NRCAM: variants seen among roughly 807,000 people sequenced by gnomAD.
NRCAM encodes the protein NgCAM-related cell adhesion molecule.
NRCAM carries 83 observed loss-of-function variants against 156.5 expected under a neutral mutation model. The observed-to-expected ratio is 0.53, with a 90% CI of 0.44 to 0.64. The LOEUF is 0.64. NRCAM is among the 30% of genes least tolerant of loss of function. The pLI is 0.00. For missense variants in NRCAM, 1,417 were observed against 1,597.3 expected (o/e 0.89, Z 1.92); for synonymous variants, 538 against 563.9 (o/e 0.95, Z 0.65).
intron 3 of NRCAM, among the ~76,000 whole-genome samples, chr7:108,256,055 C>T (rs1158939142): frequency 1.3e-5 from 2 of 151,610 alleles, no homozygotes; most frequent in Non-Finnish European, 3.0e-5. Context: ...GTGGGGGGCG[C>T]CTCTGCCCGG....
intron 3 of NRCAM, among the ~76,000 whole-genome samples, chr7:108,288,359 C>T (rs1458185222): frequency 2.0e-5 from 3 of 152,054 alleles, no homozygotes; most frequent in Non-Finnish European, 4.4e-5. Context: ...ATCTGTGTAA[C>T]ACAACTGCAT....
At chr7:108,428,816 C>G (rs567621767) in intron 1 of NRCAM, among the ~76,000 whole-genome samples, 11 of 152,098 alleles carry the variant, frequency 7.2e-5, no homozygotes, top group African/African-American at 2.7e-4. Context: ...ATTTTCAGTT[C>G]CTGTTTGGTT....
chr7:108,253,668 G>C (rs1304313829), intron 3 of NRCAM, among the ~76,000 whole-genome samples: 2 of 152,216 alleles, frequency 1.3e-5, no homozygotes, highest in African/African-American at 2.4e-5. Context: ...GGATTATCAA[G>C]AGTGCCATCT....
chr7:108,262,600 C>T lies in NRCAM; in HGVS notation c.-106-22430G>A, dbSNP rs80098683. On this transcript the variant is annotated intron_variant, in intron 3 of 32. Transcript: ENST00000379028. Reference sequence around the variant, plus strand: ...ACAAATCCTTATAAGTCTTGAGCATCCTTTTACTTCCACATGTACTCCTTG... The same window carrying T: ...ACAAATCCTTATAAGTCTTGAGCATTCTTTTACTTCCACATGTACTCCTTG... Among the ~76,000 whole-genome samples the T allele has an allele frequency of 5.5e-3, 838 of 152,262 alleles. 6 individuals are homozygous for T. The highest frequency in any genetic ancestry group is 0.014 in the Middle Eastern group (4 of 294).
At chr7:108,184,395 A>G in intron 21 of NRCAM, 22 bp downstream of exon 21, 1 of 1,613,970 alleles carries the variant, frequency 6.2e-7, no homozygotes, top group Non-Finnish European at 8.5e-7. Context: ...CGTACCCTAG[A>G]AGTCCCGCTT....
In NRCAM at chr7:108,434,836, A is replaced by G. The variant is rs1830151310; in HGVS notation, c.-332+21407T>C. Among the ~76,000 whole-genome samples the G allele has an allele frequency of 3.9e-5, 6 of 152,214 alleles. No homozygotes were observed. In the South Asian group the frequency reaches 1.2e-3, roughly 32 times the overall value. ...ACTGAGTGGAGACATCAGCAATTGC[A>G]CATTGCAGGGAAGACATGCCACAGA... On this transcript the variant is annotated intron_variant, in intron 1 of 32. Coordinates refer to ENST00000379028, the MANE Select transcript of NRCAM (RefSeq NM_001037132.4).
At chr7:108,198,754 T>G (rs2076434512) in intron 13 of NRCAM, among the ~76,000 whole-genome samples, 1 of 152,250 alleles carries the variant, frequency 6.6e-6, no homozygotes, top group African/African-American at 2.4e-5. Context: ...TGAAAATATT[T>G]AATTTTCTGC....
At chr7:108,238,351 C>T (rs1221510892) in intron 4 of NRCAM, among the ~76,000 whole-genome samples, 1 of 152,150 alleles carries the variant, frequency 6.6e-6, no homozygotes, top group Non-Finnish European at 1.5e-5. Flanking sequence ...TTCTCAATCA[C>T]TCAGGGGTTG....
chr7:108,260,883 A>T (rs900978348), intron 3 of NRCAM, among the ~76,000 whole-genome samples: 23 of 152,116 alleles, frequency 1.5e-4, no homozygotes, highest in African/African-American at 5.6e-4. Context: ...CATTTGGGGA[A>T]GGTTTATGTG....
intron 1 of NRCAM, among the ~76,000 whole-genome samples, chr7:108,452,097 C>T (rs895319398): frequency 5.3e-5 from 8 of 152,170 alleles, no homozygotes; most frequent in South Asian, 2.1e-4. Flanking sequence ...TATTTCCTTC[C>T]TCAGGTAGCC....
intron 1 of NRCAM, among the ~76,000 whole-genome samples, chr7:108,447,230 C>T (rs1845330483): frequency 6.6e-6 from 1 of 151,260 alleles, no homozygotes; most frequent in African/African-American, 2.4e-5. Context: ...AACAGTCACC[C>T]CATATGGGTT....
rs1339733003 is a variant in NRCAM, at chr7:108,221,521, TA to T, written c.890+2203del. On this transcript the variant is annotated intron_variant, in intron 11 of 32. Transcript: ENST00000379028. ...TATGTGATGGAATACTACTCAGCCA[TA>T]AAAAGGAATGAATTAATGGCATTTG... is the stretch of plus-strand genomic sequence containing the variant. Among the ~76,000 whole-genome samples, 3 of 152,096 alleles carry T rather than the reference TA, an allele frequency of 2.0e-5. 1 individual carries two copies. Among genetic ancestry groups the T allele is most frequent in the East Asian group, 3.9e-4 (2 of 5,192 alleles).
intron 13 of NRCAM, among the ~76,000 whole-genome samples, chr7:108,202,742 A>G (rs980239350): frequency 6.6e-6 from 1 of 152,180 alleles, no homozygotes; most frequent in African/African-American, 2.4e-5. Context: ...CTGGCTTTCA[A>G]CATCTTTCAT....
At chr7:108,173,827 C>T (rs1478070034) in intron 28 of NRCAM, among the ~76,000 whole-genome samples, 1 of 152,146 alleles carries the variant, frequency 6.6e-6, no homozygotes, top group Non-Finnish European at 1.5e-5. Context: ...AACCAAAACT[C>T]TTTAAATATA....
At position 108,223,909 on chromosome 7, in the gene NRCAM, A is replaced by C. The variant is rs998511896; in HGVS notation, c.779-73T>G. ...TCTATAAACACTTCATTGTCAAAAA[A>C]GCTGTCTAAAATTCCAATCCCTTTT... On this transcript the variant is annotated intron_variant, in intron 10 of 32. Coordinates refer to ENST00000379028, the MANE Select transcript of NRCAM (RefSeq NM_001037132.4). 2.5e-5 allele frequency: 19 copies of C among 767,800 alleles called. No individual in the cohort carries two copies. In the African/African-American group the frequency reaches 3.3e-4, roughly 13 times the overall value. The allele number at this position is 767,800 out of a possible 1,614,324, so 47.6% of individuals were successfully genotyped here.
At position 108,259,970 on chromosome 7, in the gene NRCAM, T is replaced by C. The variant is rs183353082; in HGVS notation, c.-106-19800A>G. Among the ~76,000 whole-genome samples, 14 of 152,336 alleles carry C rather than the reference T, an allele frequency of 9.2e-5. No individual in the cohort carries two copies. In the East Asian group the frequency reaches 1.3e-3, roughly 15 times the overall value. ...CTTACCTATGTAACAAACCTGCACA[T>C]CCTTCACATGTACCGCAGAACTTAA... On this transcript the variant is annotated intron_variant, in intron 3 of 32. Coordinates refer to ENST00000379028, the MANE Select transcript of NRCAM (RefSeq NM_001037132.4).
At chr7:108,204,022 C>T (rs2267876) in intron 13 of NRCAM, among the ~76,000 whole-genome samples, 36,370 of 152,004 alleles carry the variant, frequency 0.24, 4,577 homozygotes, top group Non-Finnish European at 0.27. Flanking sequence ...ATCCTTCCCC[C>T]GTCTCCCAGC....
chr7:108,167,633 G>T (rs2055486095), intron 29 of NRCAM, among the ~76,000 whole-genome samples: 1 of 152,150 alleles, frequency 6.6e-6, no homozygotes, highest in Admixed American at 6.5e-5. Flanking sequence ...TCAACATTTT[G>T]TCACAAACAT....
At chr7:108,336,301 T>C (rs971828556) in intron 2 of NRCAM, among the ~76,000 whole-genome samples, 2 of 152,218 alleles carry the variant, frequency 1.3e-5, no homozygotes, top group African/African-American at 4.8e-5. Flanking sequence ...TTATTCGGTA[T>C]GTTTGCATCC....
Sources: gnomAD v4.1 joint callset for allele counts (sites outside exome capture counted in the v4.1 genomes callset) on GRCh38, gnomAD v4.1.1 for gene constraint, MANE v1.5 for transcripts, NCBI Gene and HGNC (gene_info 2026-07-23, HGNC 2026-07-21) for gene names.